CCDC141: variants seen among roughly 807,000 people sequenced by gnomAD.
CCDC141 encodes the protein coiled-coil domain-containing protein 141.
In CCDC141, 168 loss-of-function variants were observed where a neutral mutation model predicts 181.0. The observed-to-expected ratio is 0.93, with a 90% CI of 0.82 to 1.05. The LOEUF (loss-of-function observed/expected upper bound fraction) is 1.05, where lower values mean the gene tolerates loss of function less well. Among genes scored for constraint, CCDC141 ranks in the 50% least tolerant of loss-of-function variants. CCDC141 has a pLI of 0.00. For synonymous variants in CCDC141, 666 were observed against 642.3 expected, an observed-to-expected ratio of 1.04 and a Z score of -0.56; for missense variants, 1,902 against 1,788.5, an observed-to-expected ratio of 1.06 and a Z score of -1.14.
intron 8 of CCDC141, among the ~76,000 whole-genome samples, chr2:178,901,727 A>G (rs1210232917): frequency 6.6e-6 from 1 of 151,402 alleles, no homozygotes; most frequent in Non-Finnish European, 1.5e-5. Flanking sequence ...CACCACTCCT[A>G]TTCAACATAG....
At chr2:179,015,214 A>ATATC (rs1423174541) in intron 2 of CCDC141, among the ~76,000 whole-genome samples, 4 of 126,232 alleles carry the variant, frequency 3.2e-5, no homozygotes, top group African/African-American at 6.2e-5. Context: ...TATATATCAT[A>ATATC]TATCTCATAT....
intron 12 of CCDC141, chr2:178,875,634 A>C (rs1346869828): frequency 6.6e-6 from 1 of 152,130 alleles, no homozygotes; most frequent in Non-Finnish European, 1.5e-5. Context: ...CTAGCTGATG[A>C]ACACTTTAAG....
At position 178,893,457 on chromosome 2, in the gene CCDC141, C is replaced by T. The variant is rs532048532; in HGVS notation, c.1266-4789G>A. Reference sequence around the variant, plus strand: ...CAGCCCATCTGGATTAGGAGCTGAACCAGATGGTAAGCACTTGACAGCTTA... The same window carrying T: ...CAGCCCATCTGGATTAGGAGCTGAATCAGATGGTAAGCACTTGACAGCTTA... On this transcript the variant is annotated intron_variant, in intron 8 of 23. Coordinates refer to ENST00000443758, the MANE Select transcript of CCDC141 (RefSeq NM_173648.4). 1.1e-4 allele frequency among the ~76,000 whole-genome samples: 16 copies of T among 152,172 alleles called. No homozygotes were observed. In the South Asian group the frequency reaches 2.7e-3, roughly 26 times the overall value.
intron 17 of CCDC141, among the ~76,000 whole-genome samples, chr2:178,861,622 TGA>T (rs1685624510): frequency 7.3e-6 from 1 of 136,446 alleles, no homozygotes; most frequent in South Asian, 2.2e-4. Context: ...GGCGACAGAG[TGA>T]GACTCAGTCT....
At chr2:178,824,162 T>C in the CCDC141 span, among the ~76,000 whole-genome samples, 1 of 152,102 alleles carries the variant, frequency 6.6e-6, no homozygotes, top group Non-Finnish European at 1.5e-5. Flanking sequence ...TGTAACACAC[T>C]CTGCTATATA....
intron 20 of CCDC141, among the ~76,000 whole-genome samples, chr2:178,851,450 C>T (rs1022091713): frequency 3.3e-5 from 5 of 152,012 alleles, no homozygotes; most frequent in Non-Finnish European, 7.4e-5. Flanking sequence ...TAAAATGAGG[C>T]CATTGGGATG....
intron 7 of CCDC141, among the ~76,000 whole-genome samples, chr2:178,914,493 A>G (rs1366969485): frequency 6.6e-6 from 1 of 152,166 alleles, no homozygotes; most frequent in Non-Finnish European, 1.5e-5. Context: ...CTCAAGCCAC[A>G]GGCTGCCAGA....
intron 19 of CCDC141, 117 bp from the exon 20 acceptor site, chr2:178,853,741 G>C: frequency 1.3e-6 from 1 of 782,900 alleles, no homozygotes; most frequent in Non-Finnish European, 2.0e-6. Flanking sequence ...ACATTGGCTT[G>C]AACTTTCTAA....
intron 9 of CCDC141, among the ~76,000 whole-genome samples, chr2:178,888,086 A>G (rs147551950): frequency 6.6e-6 from 1 of 152,286 alleles, no homozygotes; most frequent in East Asian, 1.9e-4. Flanking sequence ...ATGGCAATTT[A>G]TTCCTTGAAA....
At chr2:179,020,196 TTC>T (rs1189379022) in intron 2 of CCDC141, among the ~76,000 whole-genome samples, 1 of 152,106 alleles carries the variant, frequency 6.6e-6, no homozygotes, top group Non-Finnish European at 1.5e-5. Flanking sequence ...GTGGTTTTTT[TTC>T]TCTCACTCAA....
intron 19 of CCDC141, 30 bp from the exon 20 acceptor site, chr2:178,853,654 A>G: frequency 1.3e-6 from 2 of 1,568,156 alleles, no homozygotes; most frequent in East Asian, 2.3e-5. Context: ...AGCACAGATG[A>G]AAGAAATACC....
At chr2:178,842,188 ACT>A (rs1171334006) in intron 22 of CCDC141, among the ~76,000 whole-genome samples, 4 of 152,218 alleles carry the variant, frequency 2.6e-5, no homozygotes, top group South Asian at 2.1e-4. Context: ...TAGCTGGGAA[ACT>A]CTGATCTAAT....
intron 4 of CCDC141, among the ~76,000 whole-genome samples, chr2:178,972,837 T>C (rs990540236): frequency 2.0e-5 from 3 of 152,228 alleles, no homozygotes; most frequent in Admixed American, 2.0e-4. Flanking sequence ...TAATCCTGGT[T>C]CTAACTTCCG....
chr2:178,916,395 A>G (rs1246417076), intron 7 of CCDC141, among the ~76,000 whole-genome samples: 1 of 152,054 alleles, frequency 6.6e-6, no homozygotes, highest in Non-Finnish European at 1.5e-5. Flanking sequence ...AATTTTTATA[A>G]AATTTGGAGG....
At chr2:178,868,774 A>G (rs1043410362) in intron 15 of CCDC141, among the ~76,000 whole-genome samples, 1 of 152,166 alleles carries the variant, frequency 6.6e-6, no homozygotes, top group Non-Finnish European at 1.5e-5. Flanking sequence ...GAGCTGTAGG[A>G]TTTTTGAAGA....
At chr2:178,851,003 C>T (rs1012571393) in intron 20 of CCDC141, among the ~76,000 whole-genome samples, 7 of 151,992 alleles carry the variant, frequency 4.6e-5, no homozygotes, top group African/African-American at 1.7e-4. Flanking sequence ...GTCAGGAGTT[C>T]GAGACCAGCC....
chr2:178,885,345 A>C (rs1575169354), intron 10 of CCDC141, among the ~76,000 whole-genome samples: 1 of 152,322 alleles, frequency 6.6e-6, no homozygotes, highest in East Asian at 1.9e-4. Flanking sequence ...TGTGTCACAA[A>C]TAAAAGAAAG....
intron 4 of CCDC141, among the ~76,000 whole-genome samples, chr2:178,966,346 AC>A (rs1427833059): frequency 6.6e-6 from 1 of 152,212 alleles, no homozygotes; most frequent in African/African-American, 2.4e-5. Flanking sequence ...GTAGGGGGTG[AC>A]AGACACCTCA....
chr2:178,934,030 AT>A (rs1004283613), intron 6 of CCDC141, among the ~76,000 whole-genome samples: 1 of 151,238 alleles, frequency 6.6e-6, no homozygotes, highest in East Asian at 1.9e-4. Context: ...TAAGATTGAC[AT>A]TTTTTTTTAG....
Sources: allele counts gnomAD v4.1 joint callset (sites outside exome capture counted in the v4.1 genomes callset), GRCh38; gene constraint gnomAD v4.1.1; transcripts MANE v1.5; gene names NCBI Gene and HGNC (gene_info 2026-07-23, HGNC 2026-07-21).